Variants in IL15 observed in about 807,000 individuals in gnomAD.
IL15 encodes interleukin-15.
In IL15, 11 loss-of-function variants were observed where a neutral mutation model predicts 19.6. The observed-to-expected ratio is 0.56, with a 90% CI of 0.35 to 0.93. The LOEUF (loss-of-function observed/expected upper bound fraction) is 0.93. Ranked by LOEUF, IL15 falls within the 40% of genes least tolerant of loss-of-function variation. The probability of loss-of-function intolerance (pLI) is 0.01; values close to 1 mark genes in which losing one functional copy is unlikely to be tolerated. For missense variants in IL15, 197 were observed against 186.5 expected (o/e 1.06, Z -0.33); for synonymous variants, 58 against 59.6 (o/e 0.97, Z 0.12).
chr4:141,665,776 T>C (rs77488642), intron 2 of IL15, among the ~76,000 whole-genome samples: 1 of 152,158 alleles, frequency 6.6e-6, no homozygotes, highest in African/African-American at 2.4e-5. Flanking sequence ...CCCCTACATA[T>C]TGATGAGACA....
In IL15 at chr4:141,710,452, A is replaced by G. The variant is rs1729679443; in HGVS notation, c.-99-8914A>G. Among the ~76,000 whole-genome samples the G allele has an allele frequency of 2.0e-5, 3 of 151,924 alleles. No individual in the cohort carries two copies. The South Asian group carries it at 6.2e-4, about 32-fold the overall frequency. On this transcript the variant is annotated intron_variant, in intron 2 of 7. Coordinates refer to ENST00000320650, the MANE Select transcript of IL15 (RefSeq NM_000585.5). ...TATCTTTTTTTTGTAATTTTTAAGC[A>G]TTTCGTATCATTTTATTTTTGTTTC...
intron 2 of IL15, chr4:141,716,769 T>G (rs1729898289): frequency 6.6e-6 from 1 of 152,358 alleles, no homozygotes; most frequent in South Asian, 2.1e-4. Context: ...AGGAAAGCTA[T>G]GGGAGCTGAG....
At chr4:141,641,610 A>G (rs1727045496) in intron 1 of IL15, among the ~76,000 whole-genome samples, 1 of 146,826 alleles carries the variant, frequency 6.8e-6, no homozygotes, top group African/African-American at 2.5e-5. Context: ...CAAACACCGC[A>G]TGTTCTCACT....
intron 1 of IL15, among the ~76,000 whole-genome samples, chr4:141,644,606 C>T (rs960686895): frequency 2.6e-5 from 4 of 152,074 alleles, no homozygotes; most frequent in Admixed American, 6.6e-5. Flanking sequence ...TAGCTTATCT[C>T]GTTATGGCAT....
At chr4:141,646,522 T>G (rs1462182262) in intron 1 of IL15, among the ~76,000 whole-genome samples, 3 of 152,120 alleles carry the variant, frequency 2.0e-5, no homozygotes, top group African/African-American at 7.2e-5. Flanking sequence ...ACTGATGTAC[T>G]TCAAATTGCA....
chr4:141,698,929 A>G (rs192491395), intron 2 of IL15, among the ~76,000 whole-genome samples: 98 of 150,580 alleles, frequency 6.5e-4, no homozygotes, highest in Middle Eastern at 3.4e-3. Context: ...TAGGTTGTTT[A>G]TTTGTGCTTT....
intron 2 of IL15, among the ~76,000 whole-genome samples, chr4:141,658,056 G>A (rs1727666464): frequency 6.6e-6 from 1 of 152,142 alleles, no homozygotes; most frequent in South Asian, 2.1e-4. Flanking sequence ...TTGGATTTGT[G>A]TCTCCATTGT....
At chr4:141,639,411 G>A (rs1726969460) in intron 1 of IL15, among the ~76,000 whole-genome samples, 1 of 152,124 alleles carries the variant, frequency 6.6e-6, no homozygotes, top group African/African-American at 2.4e-5. Context: ...ATATTCATTT[G>A]AGTGTCAAAT....
At chr4:141,638,470 T>C (rs1294998957) in intron 1 of IL15, among the ~76,000 whole-genome samples, 1 of 152,202 alleles carries the variant, frequency 6.6e-6, no homozygotes, top group Non-Finnish European at 1.5e-5. Flanking sequence ...TACTTTTGGT[T>C]TCACTGTTCC....
chr4:141,667,292 C>T (rs997104977), intron 2 of IL15, among the ~76,000 whole-genome samples: 18 of 152,108 alleles, frequency 1.2e-4, no homozygotes, highest in East Asian at 1.9e-4. Flanking sequence ...TATAACTGAT[C>T]GGTTAGAAGC....
At chr4:141,648,848 G>A (rs1469943156) in intron 1 of IL15, among the ~76,000 whole-genome samples, 1 of 152,048 alleles carries the variant, frequency 6.6e-6, no homozygotes, top group African/African-American at 2.4e-5. Context: ...TCCAGGCTAA[G>A]GTGTTTAAAC....
intron 2 of IL15, among the ~76,000 whole-genome samples, chr4:141,672,003 G>A (rs1413950791): frequency 6.6e-6 from 1 of 152,142 alleles, no homozygotes; most frequent in Non-Finnish European, 1.5e-5. Context: ...ATTTTTCTGT[G>A]TACAGTGGCT....
intron 2 of IL15, among the ~76,000 whole-genome samples, chr4:141,671,632 A>G (rs1249719324): frequency 6.6e-6 from 1 of 152,024 alleles, no homozygotes; most frequent in Non-Finnish European, 1.5e-5. Context: ...CAGTTTCTTC[A>G]TTAGGTAGTC....
chr4:141,673,617 C>T (rs969202628), intron 2 of IL15, among the ~76,000 whole-genome samples: 2 of 152,118 alleles, frequency 1.3e-5, no homozygotes, highest in African/African-American at 2.4e-5. Flanking sequence ...ACAAGGTATT[C>T]GACTGTATCT....
intron 2 of IL15, among the ~76,000 whole-genome samples, chr4:141,673,443 C>T (rs1728239708): frequency 6.6e-6 from 1 of 152,148 alleles, no homozygotes; most frequent in African/African-American, 2.4e-5. Context: ...TAAGGTCACA[C>T]AAATCAAATA....
chr4:141,675,297 G>A (rs1331137437), intron 2 of IL15, among the ~76,000 whole-genome samples: 4 of 152,062 alleles, frequency 2.6e-5, no homozygotes, highest in South Asian at 2.1e-4. Context: ...AAGTTAAAAT[G>A]TATCAGAATT....
chr4:141,697,116 T>C (rs1022772687), intron 2 of IL15, among the ~76,000 whole-genome samples: 1 of 152,074 alleles, frequency 6.6e-6, no homozygotes, highest in African/African-American at 2.4e-5. Flanking sequence ...TTCCCAATGT[T>C]GTCTTCCAGA....
chr4:141,719,954 C>A (rs1197837760), intron 3 of IL15, among the ~76,000 whole-genome samples: 1 of 152,130 alleles, frequency 6.6e-6, no homozygotes. Flanking sequence ...TTATTAGTCA[C>A]TCTCAAGATG....
chr4:141,692,135 C>T (rs919423353), intron 2 of IL15, among the ~76,000 whole-genome samples: 9 of 152,246 alleles, frequency 5.9e-5, no homozygotes, highest in East Asian at 1.9e-4. Context: ...CTCTAAAGCA[C>T]GGCCCAAGCT....
Sources: allele counts gnomAD v4.1 joint callset (sites outside exome capture counted in the v4.1 genomes callset), GRCh38; gene constraint gnomAD v4.1.1; transcripts MANE v1.5; gene names NCBI Gene and HGNC (gene_info 2026-07-23, HGNC 2026-07-21).